Variants in PARP8 observed in about 807,000 individuals in gnomAD.
PARP8 encodes protein mono-ADP-ribosyltransferase PARP8.
In PARP8, 51 loss-of-function variants were observed where a neutral mutation model predicts 124.1. The ratio of observed to expected loss-of-function variants is 0.41; its 90% CI spans 0.33 to 0.52. The LOEUF (loss-of-function observed/expected upper bound fraction) is 0.52, where lower values mean the gene tolerates loss of function less well. Ranked by LOEUF, PARP8 falls within the 20% of genes least tolerant of loss-of-function variation. The pLI is 0.21. For synonymous variants in PARP8, 391 were observed against 361.5 expected (o/e 1.08, Z -0.93); for missense variants, 860 against 1,018.9 (o/e 0.84, Z 2.12).
chr5:50,825,069 C>A, intron 18 of PARP8, 94 bp downstream of exon 18: 1 of 1,032,900 alleles, frequency 9.7e-7, no homozygotes. Flanking sequence ...GTAAACCTGT[C>A]TTACAAGCCC....
At chr5:50,743,016 T>G (rs1758203758) in intron 2 of PARP8, among the ~76,000 whole-genome samples, 1 of 151,298 alleles carries the variant, frequency 6.6e-6, no homozygotes, top group African/African-American at 2.4e-5. Context: ...AGGAAAGGAG[T>G]GAGAGCTGGG....
intron 2 of PARP8, among the ~76,000 whole-genome samples, chr5:50,721,901 A>G (rs1755927813): frequency 6.6e-6 from 1 of 152,058 alleles, no homozygotes; most frequent in East Asian, 1.9e-4. Flanking sequence ...GGTAATTCTT[A>G]TAAGATACTC....
intron 2 of PARP8, among the ~76,000 whole-genome samples, chr5:50,693,056 T>C (rs1579978252): frequency 6.6e-6 from 1 of 152,164 alleles, no homozygotes; most frequent in Non-Finnish European, 1.5e-5. Flanking sequence ...ACATCAAAGT[T>C]CTTAAAATGA....
chr5:50,712,086 G>A (rs943191646), intron 2 of PARP8, among the ~76,000 whole-genome samples: 2 of 152,070 alleles, frequency 1.3e-5, no homozygotes, highest in Non-Finnish European at 2.9e-5. Context: ...AATTTTAAGA[G>A]TAGTAAGTTT....
chr5:50,667,655 C>T (rs1749486828), intron 1 of PARP8: 8 of 699,624 alleles, frequency 1.1e-5, no homozygotes, highest in Admixed American at 8.0e-5. Context: ...GGCCCATCTC[C>T]GGCCCCTTCG....
chr5:50,779,269 C>A (rs1740393165), intron 9 of PARP8, among the ~76,000 whole-genome samples: 1 of 151,964 alleles, frequency 6.6e-6, no homozygotes, highest in Admixed American at 6.6e-5. Context: ...TTCCAGTTAT[C>A]TAGTGTTACA....
chr5:50,683,882 A>C (rs1666312908), intron 2 of PARP8, among the ~76,000 whole-genome samples: 1 of 152,206 alleles, frequency 6.6e-6, no homozygotes, highest in Non-Finnish European at 1.5e-5. Context: ...TTTAAGAAAG[A>C]AAGCCTCTAA....
chr5:50,841,999 T>G lies in PARP8; in HGVS notation c.2496T>G (p.Ile832Met). 1 of 1,605,602 alleles carries G rather than the reference T, an allele frequency of 6.2e-7. No individual in the cohort carries two copies. Among genetic ancestry groups the G allele is most frequent in the Non-Finnish European group, 8.5e-7 (1 of 1,175,380 alleles). Residue 832 changes from isoleucine to methionine, a missense_variant, in exon 26 of 26, where the codon ATT becomes ATG. Physicochemically the swap from Ile to Met is conservative, Grantham distance 10. This residue lies in a region of PARP8 where 343 missense variants were observed against 474.7 expected (regional missense o/e 0.72). Coordinates refer to ENST00000281631, the MANE Select transcript of PARP8 (RefSeq NM_024615.4). ...ACGGCCAAGTGGGAGATGCAAATAT[T>G]AATACACAAGAAGGAGGCATTCACA... ...YEDGQVGDANINTQEGGIHKE... is the reference protein window; with the variant it reads ...YEDGQVGDANMNTQEGGIHKE...
In PARP8 at chr5:50,794,990, CAA is replaced by C; in HGVS notation, c.1003_1004del (p.Lys335ValfsTer23). The C allele has an allele frequency of 6.2e-7, 1 of 1,614,214 alleles. No homozygotes were observed. The highest frequency in any genetic ancestry group is 8.5e-7 in the Non-Finnish European group (1 of 1,180,034). The stretch of plus-strand genomic sequence containing the variant: ...GTCAAGACTGATGATGTGTGTGTCA[CAA>C]AGTCACACAGGACCTTTGGCCGCTC... On this transcript the variant is annotated frameshift_variant, in exon 12 of 26. Transcript: ENST00000281631. LOFTEE classifies it high-confidence loss of function.
At chr5:50,679,079 G>A (rs1750982880) in intron 2 of PARP8, among the ~76,000 whole-genome samples, 1 of 151,992 alleles carries the variant, frequency 6.6e-6, no homozygotes, top group South Asian at 2.1e-4. Flanking sequence ...TGCCTGTGGA[G>A]AAGCCACCTT....
intron 25 of PARP8, among the ~76,000 whole-genome samples, chr5:50,839,927 A>G (rs1040850327): frequency 2.6e-5 from 4 of 151,870 alleles, no homozygotes; most frequent in African/African-American, 9.7e-5. Context: ...GGAAATCTGT[A>G]TTTGAATGAT....
At chr5:50,810,890 CACATTATG>C (rs1391414987) in intron 14 of PARP8, among the ~76,000 whole-genome samples, 11 of 152,066 alleles carry the variant, frequency 7.2e-5, no homozygotes, top group African/African-American at 2.6e-4. Flanking sequence ...ATAAATTAAT[CACATTATG>C]ACGTTTGTAG....
intron 2 of PARP8, among the ~76,000 whole-genome samples, chr5:50,706,808 A>C (rs971054629): frequency 2.6e-5 from 4 of 152,024 alleles, no homozygotes; most frequent in Non-Finnish European, 2.9e-5. Flanking sequence ...AAGTATGTTC[A>C]TTTTTTGAAA....
At chr5:50,796,525 A>G (rs893533039) in intron 12 of PARP8, among the ~76,000 whole-genome samples, 6 of 152,194 alleles carry the variant, frequency 3.9e-5, no homozygotes, top group African/African-American at 1.4e-4. Context: ...GTAAAAGAAA[A>G]TGCCTTAATA....
chr5:50,808,658 C>A (rs950923770), intron 14 of PARP8, among the ~76,000 whole-genome samples: 31 of 151,960 alleles, frequency 2.0e-4, no homozygotes, highest in African/African-American at 7.5e-4. Context: ...TACAGCTATC[C>A]GTTTGGGAAC....
chr5:50,718,926 C>T (rs2149499235), intron 2 of PARP8, among the ~76,000 whole-genome samples: 1 of 152,136 alleles, frequency 6.6e-6, no homozygotes, highest in East Asian at 1.9e-4. Flanking sequence ...CTAATTCCCA[C>T]CAACAATGTA....
At chr5:50,775,426 G>A (rs539953994) in intron 7 of PARP8, among the ~76,000 whole-genome samples, 10 of 152,240 alleles carry the variant, frequency 6.6e-5, no homozygotes, top group South Asian at 4.1e-4. Context: ...GTGGCGGCGC[G>A]TGCCTGTGAT....
intron 2 of PARP8, among the ~76,000 whole-genome samples, chr5:50,731,863 A>G (rs1757006844): frequency 6.6e-6 from 1 of 152,178 alleles, no homozygotes; most frequent in African/African-American, 2.4e-5. Context: ...TTAGCGGTAA[A>G]CCTATTCGAA....
At chr5:50,723,396 T>A (rs1375747501) in intron 2 of PARP8, among the ~76,000 whole-genome samples, 1 of 152,062 alleles carries the variant, frequency 6.6e-6, no homozygotes, top group Non-Finnish European at 1.5e-5. Flanking sequence ...TCTCAAGACT[T>A]TGGTGATGAT....
Sources: allele counts gnomAD v4.1 joint callset (sites outside exome capture counted in the v4.1 genomes callset), GRCh38; gene constraint gnomAD v4.1.1; regional missense constraint gnomAD v4.1.1; transcripts MANE v1.5; gene names NCBI Gene and HGNC (gene_info 2026-07-23, HGNC 2026-07-21).